The following GIT2 variants were observed in gnomAD, a reference collection of about 807,000 sequenced individuals.
GIT2 encodes GIT ArfGAP 2.
A neutral mutation model predicts 100.3 loss-of-function variants in GIT2; 32 were observed. The ratio of observed to expected loss-of-function variants is 0.32; its 90% confidence interval spans 0.24 to 0.43. GIT2 has a LOEUF of 0.43. Among genes scored for constraint, GIT2 ranks in the 20% least tolerant of loss-of-function variants. The pLI is 1.00. For missense variants in GIT2, 737 were observed against 975.1 expected (o/e 0.76, Z 3.25); for synonymous variants, 353 against 364.1 (o/e 0.97, Z 0.35).
chr12:109,960,098 A>G (rs1880652827), intron 11 of GIT2, 140 bp from the exon 12 acceptor site: 1 of 640,382 alleles, frequency 1.6e-6, no homozygotes. Flanking sequence ...AATCCCAGCC[A>G]TAATCAAACC....
At position 109,983,615 on chromosome 12, in the gene GIT2, A is replaced by T. The variant is rs773246310; in HGVS notation, c.485T>A (p.Phe162Tyr). ...LLSLGAQANF[F>Y]HPEKGNTPLH... is the part of the protein sequence containing the mutation. ...CAATTCATGTTTTCTTACAGGATGA[A>T]AGAAGTTGGCTTGTGCTCCTAAAGA... is the stretch of plus-strand genomic sequence containing the variant. The change falls in exon 5 of 20, where the codon TTT (phenylalanine) becomes TAT (tyrosine). Residue 162 changes from phenylalanine (F) to tyrosine (Y), a missense_variant. By Grantham distance (22) the Phe-to-Tyr change is conservative. This residue lies in a region of GIT2 where 266 missense variants were observed against 376.2 expected (regional missense o/e 0.71). Coordinates refer to ENST00000355312, the MANE Select transcript of GIT2 (RefSeq NM_057169.5). 1 of 1,610,086 alleles carries T rather than the reference A, an allele frequency of 6.2e-7. No individual in the cohort carries two copies. The highest frequency in any genetic ancestry group is 1.7e-5 in the Admixed American group (1 of 59,984).
rs148695628 is a variant in GIT2 at position 109,931,936 on chromosome 12, A to T, written c.*1042T>A. 2 of 152,366 alleles carry T rather than the reference A, an allele frequency of 1.3e-5. No individual in the cohort carries two copies. Among genetic ancestry groups the T allele is most frequent in the East Asian group, 3.9e-4 (2 of 5,188 alleles). 9.4% of individuals were successfully genotyped at this position (152,366 alleles called of 1,614,324 possible). Reference sequence around the variant, plus strand: ...GGTGATGGAGGAGAAACTAACTCAGATGACTGCGATACGATACATCTTTCC... The same window carrying T: ...GGTGATGGAGGAGAAACTAACTCAGTTGACTGCGATACGATACATCTTTCC... On this transcript the variant is annotated 3_prime_UTR_variant, in exon 20 of 20. Coordinates refer to ENST00000355312, the MANE Select transcript of GIT2 (RefSeq NM_057169.5).
Position 109,965,624 on chromosome 12 carries a change from T to G in GIT2, c.765-47A>C, listed in dbSNP as rs371032666. ...ATAAGCAAATAAATAAAGCCAGACT[T>G]GTGAACTCTGTAAAGTTTAAGACAC... On this transcript the variant is annotated intron_variant, in intron 8 of 19. Transcript: ENST00000355312. The G allele has an allele frequency of 3.4e-6, 4 of 1,176,678 alleles. No homozygotes were observed. The African/African-American group carries it at 6.0e-5, about 18-fold the overall frequency. 72.9% of individuals were successfully genotyped at this position (1,176,678 alleles called of 1,614,324 possible).
chr12:109,970,914 T>C (rs1430691166), intron 7 of GIT2, among the ~76,000 whole-genome samples: 2 of 152,102 alleles, frequency 1.3e-5, no homozygotes, highest in African/African-American at 2.4e-5. Flanking sequence ...ATCAGCCTCC[T>C]GAGTAGGTGA....
At chr12:109,939,046 T>C (rs1487362310) in intron 17 of GIT2, 119 bp downstream of exon 17, 2 of 684,694 alleles carry the variant, frequency 2.9e-6, no homozygotes, top group African/African-American at 1.8e-5. Context: ...TTTAAGACTT[T>C]ATGAGTCTGA....
chr12:109,959,905 A>T lies in GIT2; in HGVS notation c.1041T>A (p.Ile347=), dbSNP rs201726920. 4 of 1,613,652 alleles carry T rather than the reference A, an allele frequency of 2.5e-6. No individual in the cohort carries two copies. Among genetic ancestry groups the T allele is most frequent in the Admixed American group, 3.3e-5 (2 of 60,024 alleles). Reference sequence around the variant, plus strand: ...TCCTCTTGGCGTCACTGAGAATGTCAATGACCAGCGTGGCAAACTCATGGG... The same window carrying T: ...TCCTCTTGGCGTCACTGAGAATGTCTATGACCAGCGTGGCAAACTCATGGG... The part of the protein sequence containing the change: ...FNAHEFATLV[I]DILSDAKRRQ... Residue 347 remains isoleucine, a synonymous_variant, in exon 12 of 20, where the codon ATT becomes ATA. Coordinates refer to ENST00000355312, the MANE Select transcript of GIT2 (RefSeq NM_057169.5).
chr12:109,993,922 A>C (rs1888865211), intron 1 of GIT2, among the ~76,000 whole-genome samples: 1 of 152,096 alleles, frequency 6.6e-6, no homozygotes, highest in Admixed American at 6.6e-5. Flanking sequence ...TTTGCATAAA[A>C]TAAAACAGAA....
chr12:109,997,900 T>C (rs945419772), upstream of GIT2: 2 of 152,216 alleles, frequency 1.3e-5, no homozygotes, highest in Non-Finnish European at 2.9e-5. Context: ...GTGACCCTAA[T>C]ACCAATGACT....
At chr12:109,963,797 C>T (rs1881618340) in intron 9 of GIT2, among the ~76,000 whole-genome samples, 1 of 152,162 alleles carries the variant, frequency 6.6e-6, no homozygotes, top group Admixed American at 6.5e-5. Flanking sequence ...AAGGAGACCA[C>T]AGGGTGAGGG....
At chr12:109,981,182 A>G (rs1886243364) in intron 6 of GIT2, 136 bp from the exon 7 acceptor site, 3 of 673,608 alleles carry the variant, frequency 4.5e-6, no homozygotes, top group African/African-American at 3.5e-5. Flanking sequence ...TTCTTGTGGT[A>G]GGTAGATTTC....
intron 7 of GIT2, among the ~76,000 whole-genome samples, chr12:109,975,737 A>G (rs901758647): frequency 1.4e-5 from 2 of 141,524 alleles, no homozygotes; most frequent in Admixed American, 7.0e-5. Context: ...ATTTTCATTT[A>G]CCTCTAGCAT....
rs1252296482 is a variant in GIT2 at position 109,939,247 on chromosome 12, C to T, written c.1732G>A (p.Ala578Thr). The T allele has an allele frequency of 2.5e-6, 4 of 1,586,942 alleles. No homozygotes were observed. The South Asian group carries it at 4.4e-5, about 18-fold the overall frequency. Residue 578 changes from alanine (A) to threonine (T), a missense_variant and splice_region_variant, in exon 17 of 20, where the codon GCA becomes ACA. By Grantham distance (58) the Ala-to-Thr change is moderately conservative (BLOSUM62 0). Around this residue, in one of 3 missense-constraint regions of GIT2, gnomAD observed 451 missense variants for 543.7 expected, o/e 0.83. Transcript: ENST00000355312. ...CTGTTCTGCTTCTCCAGCCTGGATGCCTACAAGAAAGAAGAGGGACCCTCA... is the reference window on the plus strand; with the variant it reads ...CTGTTCTGCTTCTCCAGCCTGGATGTCTACAAGAAAGAAGAGGGACCCTCA... ...SWSRDESARR[A>T]SRLEKQNSTP... is the part of the protein sequence containing the mutation.
chr12:109,937,883 C>T (rs753103484), intron 18 of GIT2, among the ~76,000 whole-genome samples: 19 of 152,246 alleles, frequency 1.2e-4, no homozygotes, highest in South Asian at 1.2e-3. Context: ...TTGTGTTTTT[C>T]ATAGACACAG....
At position 109,962,196 on chromosome 12, in the gene GIT2, T is replaced by C. The variant is rs886527568; in HGVS notation, c.817-511A>G. 6.6e-6 allele frequency among the ~76,000 whole-genome samples: 1 copy of C among 151,620 alleles called. No individual in the cohort carries two copies. The highest frequency in any genetic ancestry group is 1.5e-5 in the Non-Finnish European group (1 of 67,940). On this transcript the variant is annotated intron_variant, in intron 9 of 19. Coordinates refer to ENST00000355312, the MANE Select transcript of GIT2 (RefSeq NM_057169.5). The surrounding 1 kb of genome is among the most constrained non-coding windows in gnomAD (Gnocchi z 4.3). ...GGTGAAACCCTGCCTCTACAGAAAA[T>C]ACAAAAACTAGCTGGGCGTGGTGGT...
chr12:110,000,064 G>T (rs1411144890), upstream of GIT2, among the ~76,000 whole-genome samples: 1 of 152,178 alleles, frequency 6.6e-6, no homozygotes, highest in Admixed American at 6.5e-5. Context: ...CAGACGCTAC[G>T]TGCCTTGTGC....
chr12:109,942,287 A>G (rs1874990662), intron 16 of GIT2, among the ~76,000 whole-genome samples: 1 of 152,242 alleles, frequency 6.6e-6, no homozygotes, highest in Admixed American at 6.5e-5. Flanking sequence ...AACTAGAAAC[A>G]GAATTAAACC....
chr12:109,981,085 T>C, intron 6 of GIT2, 39 bp from the exon 7 acceptor site: 1 of 1,311,258 alleles, frequency 7.6e-7, no homozygotes, highest in Non-Finnish European at 1.1e-6. Context: ...TATTGCTCAC[T>C]ATTCACTGAC....
At chr12:109,944,288 G>T (rs1410092694) in intron 16 of GIT2, among the ~76,000 whole-genome samples, 1 of 152,206 alleles carries the variant, frequency 6.6e-6, no homozygotes, top group African/African-American at 2.4e-5. Context: ...GGAGGGAATG[G>T]CAAAGGCCCA....
chr12:109,986,882 G>C (rs1363513145), intron 4 of GIT2, among the ~76,000 whole-genome samples: 2 of 152,028 alleles, frequency 1.3e-5, no homozygotes, highest in East Asian at 1.9e-4. Context: ...ACTTGAACCT[G>C]GGAGGCGGAG....
Sources: allele counts gnomAD v4.1 joint callset (sites outside exome capture counted in the v4.1 genomes callset), GRCh38; gene constraint gnomAD v4.1.1; regional missense constraint gnomAD v4.1.1; non-coding constraint Gnocchi (gnomAD v3.1); transcripts MANE v1.5; gene names NCBI Gene and HGNC (gene_info 2026-07-23, HGNC 2026-07-21).